CALN1: variants seen among roughly 807,000 people sequenced by gnomAD.
CALN1 encodes calneuron 1, also known as calcium-binding protein 8.
In CALN1, 17 loss-of-function variants were observed where a neutral mutation model predicts 30.6. The observed-to-expected ratio is 0.56, with a 90% CI of 0.38 to 0.83. The LOEUF is 0.83. Among genes scored for constraint, CALN1 ranks in the 40% least tolerant of loss-of-function variants. The probability of loss-of-function intolerance (pLI) is 0.00; values close to 1 mark genes in which losing one functional copy is unlikely to be tolerated. For missense variants in CALN1, 291 were observed against 354.9 expected (o/e 0.82, Z 1.45); for synonymous variants, 156 against 131.4 (o/e 1.19, Z -1.28).
intron 3 of CALN1, among the ~76,000 whole-genome samples, chr7:72,151,884 TTTTTTA>T (rs149817169): frequency 0.049 from 7,275 of 149,874 alleles, 300 homozygotes; most frequent in African/African-American, 0.11. Context: ...GCTATTTTTA[TTTTTTA>T]TTTTTATTTT....
intron 6 of CALN1, among the ~76,000 whole-genome samples, chr7:71,789,339 C>A (rs140666226): frequency 0.041 from 6,231 of 152,180 alleles, 409 homozygotes; most frequent in African/African-American, 0.14. Context: ...ATCGCTTGAA[C>A]CCGGGAGGCA....
intron 5 of CALN1, among the ~76,000 whole-genome samples, chr7:71,902,970 G>A (rs1248490958): frequency 6.6e-6 from 1 of 151,990 alleles, no homozygotes; most frequent in Non-Finnish European, 1.5e-5. Context: ...TGGAAGCTTG[G>A]AAGGGTAGGA....
At chr7:71,985,584 C>CTTTTTTTTT (rs962922789) in intron 5 of CALN1, among the ~76,000 whole-genome samples, 2 of 96,436 alleles carry the variant, frequency 2.1e-5, no homozygotes, top group Non-Finnish European at 4.1e-5. Context: ...AGGTAGTTTT[C>CTTTTTTTTT]TTTTTTTTTT....
intron 2 of CALN1, among the ~76,000 whole-genome samples, chr7:72,389,818 C>CT (rs1805462576): frequency 6.6e-6 from 1 of 151,734 alleles, no homozygotes; most frequent in African/African-American, 2.4e-5. Flanking sequence ...ACTCGGGAGG[C>CT]TGAGGCAGGA....
intron 2 of CALN1, among the ~76,000 whole-genome samples, chr7:72,349,337 CAGAAA>C (rs1802809075): frequency 6.8e-6 from 1 of 147,874 alleles, no homozygotes. Flanking sequence ...GAAGGTTAAA[CAGAAA>C]AAAGTATTTG....
intron 5 of CALN1, among the ~76,000 whole-genome samples, chr7:71,850,309 G>A (rs1384467617): frequency 1.3e-5 from 2 of 152,098 alleles, no homozygotes; most frequent in Admixed American, 1.3e-4. Flanking sequence ...TCCGCCTCCC[G>A]GGTTCAAGCG....
At chr7:72,271,131 A>G (rs1796946465) in intron 3 of CALN1, among the ~76,000 whole-genome samples, 1 of 152,206 alleles carries the variant, frequency 6.6e-6, no homozygotes, top group South Asian at 2.1e-4. Context: ...GGCAGTTTTC[A>G]AGAATAAAGA....
In CALN1 at chr7:71,948,170, C is replaced by G. The variant is rs558070062; in HGVS notation, c.501+75487G>C. The stretch of plus-strand genomic sequence containing the variant: ...TGTTTGTATTATGAGGACTCACAAT[C>G]GGTCTGGGGAAGGTGTGGATGTCAG... On this transcript the variant is annotated intron_variant, in intron 5 of 6. Transcript: ENST00000395275. 2.0e-5 allele frequency among the ~76,000 whole-genome samples: 3 copies of G among 152,130 alleles called. No homozygotes were observed. The South Asian group carries it at 6.2e-4, about 32-fold the overall frequency.
At chr7:72,485,095 A>AT in the CALN1 span, among the ~76,000 whole-genome samples, 7 of 152,158 alleles carry the variant, frequency 4.6e-5, no homozygotes, top group Admixed American at 2.0e-4. Context: ...ACAAAAAAAA[A>AT]TTTTTTTTAA....
intron 2 of CALN1, among the ~76,000 whole-genome samples, chr7:72,346,431 T>A (rs534662693): frequency 1.3e-5 from 2 of 152,328 alleles, no homozygotes; most frequent in South Asian, 2.1e-4. Context: ...ATACTCTTAC[T>A]TGTTTCTCCA....
At chr7:71,934,289 T>A (rs997279968) in intron 5 of CALN1, among the ~76,000 whole-genome samples, 7 of 152,196 alleles carry the variant, frequency 4.6e-5, no homozygotes, top group African/African-American at 1.2e-4. Flanking sequence ...GAGAAAACTG[T>A]GGAAGATTGT....
At chr7:71,815,111 G>A (rs1188174271) in intron 5 of CALN1, among the ~76,000 whole-genome samples, 1 of 152,052 alleles carries the variant, frequency 6.6e-6, no homozygotes, top group Non-Finnish European at 1.5e-5. Flanking sequence ...GGGATTACAG[G>A]CGTGAGTCAA....
intron 1 of CALN1, among the ~76,000 whole-genome samples, chr7:72,421,251 C>T (rs909622767): frequency 6.6e-6 from 1 of 151,972 alleles, no homozygotes; most frequent in Non-Finnish European, 1.5e-5. Context: ...GTCTTTTATC[C>T]ATCACTCCAC....
intron 5 of CALN1, among the ~76,000 whole-genome samples, chr7:71,838,665 G>A (rs1789759210): frequency 6.6e-6 from 1 of 152,172 alleles, no homozygotes; most frequent in Non-Finnish European, 1.5e-5. Context: ...TGTGGGAGGA[G>A]CCCAGTGGGA....
chr7:72,389,288 C>T lies in CALN1; in HGVS notation c.119+13963G>A, dbSNP rs368108276. Among the ~76,000 whole-genome samples the T allele has an allele frequency of 5.1e-4, 78 of 152,328 alleles. 1 individual carries two copies. The South Asian group carries it at 0.015, about 30-fold the overall frequency. On this transcript the variant is annotated intron_variant, in intron 2 of 6. Coordinates refer to ENST00000395275, the MANE Select transcript of CALN1 (RefSeq NM_031468.4). ...TGCCTCTTTCTCATTTTGCCCTTCT[C>T]TTCTCCAACTTTGAATCAGAAAGTA...
intron 3 of CALN1, among the ~76,000 whole-genome samples, chr7:72,168,404 C>A (rs537054667): frequency 1.3e-5 from 2 of 152,256 alleles, no homozygotes; most frequent in East Asian, 3.9e-4. Context: ...AAATTGCATG[C>A]ATACGTATTT....
chr7:72,258,207 A>C (rs1450613909), intron 3 of CALN1, among the ~76,000 whole-genome samples: 2 of 152,160 alleles, frequency 1.3e-5, no homozygotes, highest in Non-Finnish European at 2.9e-5. Context: ...CAATCCCTGG[A>C]ATTTGCTCCT....
intron 5 of CALN1, among the ~76,000 whole-genome samples, chr7:71,981,625 A>G (rs1163523614): frequency 6.6e-6 from 1 of 151,930 alleles, no homozygotes; most frequent in Non-Finnish European, 1.5e-5. Context: ...CCACTGCACT[A>G]CAGCTTGAGC....
intron 5 of CALN1, among the ~76,000 whole-genome samples, chr7:71,994,044 T>C (rs1220418446): frequency 1.3e-5 from 2 of 152,058 alleles, no homozygotes; most frequent in East Asian, 3.8e-4. Flanking sequence ...TATTTTCAGA[T>C]CTGCAAAGGC....
Sources: gnomAD v4.1 joint callset for allele counts (sites outside exome capture counted in the v4.1 genomes callset) on GRCh38, gnomAD v4.1.1 for gene constraint, MANE v1.5 for transcripts, NCBI Gene and HGNC (gene_info 2026-07-23, HGNC 2026-07-21) for gene names.